The following RBFOX1 variants were observed in gnomAD, a reference collection of about 807,000 sequenced individuals.
The protein encoded by RBFOX1 is RNA binding fox-1 homolog 1, also known as RNA binding protein fox-1 homolog 1.
A neutral mutation model predicts 57.7 loss-of-function variants in RBFOX1; 8 were observed. The observed-to-expected ratio is 0.14, with a 90% CI of 0.08 to 0.25. The LOEUF is 0.25. Among genes scored for constraint, RBFOX1 ranks in the 10% least tolerant of loss-of-function variants. RBFOX1 has a pLI of 1.00. For synonymous variants in RBFOX1, 326 were observed against 222.4 expected (o/e 1.47, Z -4.15); for missense variants, 611 against 548.5 (o/e 1.11, Z -1.14).
intron 2 of RBFOX1, among the ~76,000 whole-genome samples, chr16:6,457,442 C>CCCG (rs1555484758): frequency 2.8e-5 from 2 of 70,192 alleles, no homozygotes; most frequent in African/African-American, 1.2e-4. Context: ...CGGAAGTCCC[C>CCCG]CCCCCCGCAA....
At chr16:5,537,740 C>G (rs1173148025) in intron 2 of RBFOX1, among the ~76,000 whole-genome samples, 3 of 152,188 alleles carry the variant, frequency 2.0e-5, no homozygotes, top group Non-Finnish European at 2.9e-5. Context: ...TTCTCAGACC[C>G]AGTTGGGAAA....
At chr16:6,286,783 C>T (rs935930438) in intron 1 of RBFOX1, among the ~76,000 whole-genome samples, 3 of 152,154 alleles carry the variant, frequency 2.0e-5, no homozygotes, top group African/African-American at 4.8e-5. Flanking sequence ...GGTCTTTATA[C>T]AAGGAAGACT....
chr16:6,482,020 G>T (rs1334924464), intron 2 of RBFOX1, among the ~76,000 whole-genome samples: 1 of 152,104 alleles, frequency 6.6e-6, no homozygotes, highest in Non-Finnish European at 1.5e-5. Flanking sequence ...TTGAAATATT[G>T]CCTCTAGATA....
At chr16:5,445,488 C>T (rs1023707217) in intron 1 of RBFOX1, among the ~76,000 whole-genome samples, 1 of 152,116 alleles carries the variant, frequency 6.6e-6, no homozygotes, top group Admixed American at 6.5e-5. Flanking sequence ...GTTGGATAAA[C>T]AAAAGAATTT....
intron 2 of RBFOX1, among the ~76,000 whole-genome samples, chr16:5,537,616 G>A (rs1296010488): frequency 6.6e-6 from 1 of 152,188 alleles, no homozygotes; most frequent in Admixed American, 6.5e-5. Flanking sequence ...GTAAACTGAA[G>A]GTTGTTCCCA....
chr16:7,560,734 T>A (rs765783964), intron 5 of RBFOX1, among the ~76,000 whole-genome samples: 3 of 152,086 alleles, frequency 2.0e-5, no homozygotes, highest in African/African-American at 4.8e-5. Flanking sequence ...CCGCTTCTCA[T>A]TGGAGCCACA....
At chr16:6,982,634 C>T (rs569653513) in intron 3 of RBFOX1, among the ~76,000 whole-genome samples, 7 of 152,306 alleles carry the variant, frequency 4.6e-5, no homozygotes, top group Non-Finnish European at 2.9e-5. Flanking sequence ...CCCTTTCTTG[C>T]ACATTGTCAC....
At chr16:5,534,016 C>G (rs553964852) in intron 2 of RBFOX1, among the ~76,000 whole-genome samples, 2 of 152,244 alleles carry the variant, frequency 1.3e-5, no homozygotes, top group African/African-American at 4.8e-5. Context: ...CCAAATCACA[C>G]CACTGAGCCA....
At chr16:7,657,596 C>A (rs1022306750) in intron 12 of RBFOX1, among the ~76,000 whole-genome samples, 1 of 152,204 alleles carries the variant, frequency 6.6e-6, no homozygotes, top group Non-Finnish European at 1.5e-5. Flanking sequence ...TGGGCCACTG[C>A]GCACAGACAT....
chr16:5,465,912 G>T (rs190594946), intron 1 of RBFOX1, among the ~76,000 whole-genome samples: 1 of 152,300 alleles, frequency 6.6e-6, no homozygotes, highest in African/African-American at 2.4e-5. Context: ...GCTGCATCTG[G>T]TCTCTGTCCA....
At chr16:6,126,993 G>C (rs2096594350) in intron 1 of RBFOX1, among the ~76,000 whole-genome samples, 1 of 152,152 alleles carries the variant, frequency 6.6e-6, no homozygotes, top group Admixed American at 6.5e-5. Context: ...ATATAGGATG[G>C]TCGGGGAAGG....
intron 4 of RBFOX1, among the ~76,000 whole-genome samples, chr16:7,061,936 G>C (rs1339456911): frequency 6.6e-6 from 1 of 152,104 alleles, no homozygotes; most frequent in African/African-American, 2.4e-5. Context: ...GTTGGGGGTA[G>C]GAAGGGGCAA....
intron 4 of RBFOX1, among the ~76,000 whole-genome samples, chr16:7,151,730 A>T (rs557883231): frequency 6.6e-6 from 1 of 152,248 alleles, no homozygotes; most frequent in East Asian, 1.9e-4. Flanking sequence ...GGGAAGCCTG[A>T]CCTTGTTTTC....
At chr16:5,979,335 G>A (rs1277177330) in intron 4 of RBFOX1, among the ~76,000 whole-genome samples, 1 of 152,170 alleles carries the variant, frequency 6.6e-6, no homozygotes, top group African/African-American at 2.4e-5. Context: ...GACTCGGATT[G>A]TAATGTAGCC....
chr16:6,200,124 T>C (rs1253593498), intron 1 of RBFOX1, among the ~76,000 whole-genome samples: 1 of 152,134 alleles, frequency 6.6e-6, no homozygotes, highest in African/African-American at 2.4e-5. Context: ...CCAAATTGTT[T>C]CTGTTATCTC....
intron 3 of RBFOX1, among the ~76,000 whole-genome samples, chr16:6,711,857 C>T (rs143891511): frequency 6.6e-6 from 1 of 152,122 alleles, no homozygotes; most frequent in Admixed American, 6.6e-5. Flanking sequence ...AGGTCTTATT[C>T]CTACCCAATT....
intron 4 of RBFOX1, among the ~76,000 whole-genome samples, chr16:7,203,129 G>A (rs764593358): frequency 1.8e-4 from 28 of 152,096 alleles, no homozygotes; most frequent in Non-Finnish European, 2.8e-4. Flanking sequence ...CTAAAATATG[G>A]GACTAATACA....
intron 4 of RBFOX1, among the ~76,000 whole-genome samples, chr16:7,457,293 C>G (rs890117311): frequency 2.6e-5 from 4 of 152,114 alleles, no homozygotes; most frequent in African/African-American, 7.2e-5. Flanking sequence ...GAATAGCAAA[C>G]ACTATCTTCC....
chr16:7,276,433 T>C (rs2095441709), intron 4 of RBFOX1, among the ~76,000 whole-genome samples: 1 of 152,236 alleles, frequency 6.6e-6, no homozygotes, highest in Non-Finnish European at 1.5e-5. Flanking sequence ...GACAAAAGAC[T>C]CTGTGGATAC....
Sources: gnomAD v4.1 joint callset for allele counts (sites outside exome capture counted in the v4.1 genomes callset) on GRCh38, gnomAD v4.1.1 for gene constraint, MANE v1.5 for transcripts, NCBI Gene and HGNC (gene_info 2026-07-23, HGNC 2026-07-21) for gene names.